SDK1: variants seen among roughly 807,000 people sequenced by gnomAD.
SDK1 encodes the protein sidekick cell adhesion molecule 1.
A neutral mutation model predicts 245.5 loss-of-function variants in SDK1; 157 were observed. The ratio of observed to expected loss-of-function variants is 0.64; its 90% CI spans 0.56 to 0.73. SDK1 has a LOEUF of 0.73. Ranked by LOEUF, SDK1 falls within the 30% of genes least tolerant of loss-of-function variation. The probability of loss-of-function intolerance (pLI) is 0.00; values close to 1 mark genes in which losing one functional copy is unlikely to be tolerated. For missense variants in SDK1, 3,583 were observed against 3,002.3 expected, an observed-to-expected ratio of 1.19 and a Z score of -4.52; for synonymous variants, 1,647 against 1,278.5, an observed-to-expected ratio of 1.29 and a Z score of -6.15.
At chr7:4,153,740 C>T (rs1246028072) in intron 30 of SDK1, among the ~76,000 whole-genome samples, 2 of 152,146 alleles carry the variant, frequency 1.3e-5, no homozygotes, top group Non-Finnish European at 2.9e-5. Context: ...GCAGTAGCTC[C>T]GTCATCGTTC....
chr7:3,902,408 G>A (rs1583535419), intron 5 of SDK1, among the ~76,000 whole-genome samples: 1 of 152,116 alleles, frequency 6.6e-6, no homozygotes, highest in African/African-American at 2.4e-5. Context: ...TTGCTATACC[G>A]ATACTACTGC....
chr7:3,655,293 C>T (rs1562634101), intron 4 of SDK1, among the ~76,000 whole-genome samples: 1 of 150,494 alleles, frequency 6.6e-6, no homozygotes, highest in Non-Finnish European at 1.5e-5. Context: ...ATTAGCCAGA[C>T]GTGGTGGCGG....
At chr7:3,785,264 T>C (rs1780865178) in intron 4 of SDK1, among the ~76,000 whole-genome samples, 1 of 152,092 alleles carries the variant, frequency 6.6e-6, no homozygotes, top group African/African-American at 2.4e-5. Flanking sequence ...ATTTTTTTTT[T>C]AGTTTTGTTG....
At chr7:3,625,680 G>A (rs936972635) in intron 2 of SDK1, among the ~76,000 whole-genome samples, 1 of 152,194 alleles carries the variant, frequency 6.6e-6, no homozygotes, top group Non-Finnish European at 1.5e-5. Context: ...ATCAGCTCCT[G>A]TACTTGGCTG....
chr7:3,541,791 A>T (rs1255639138), intron 1 of SDK1, among the ~76,000 whole-genome samples: 1 of 152,232 alleles, frequency 6.6e-6, no homozygotes, highest in Non-Finnish European at 1.5e-5. Context: ...GACTTAGGCA[A>T]ATAAGGTATT....
intron 40 of SDK1, among the ~76,000 whole-genome samples, chr7:4,231,400 C>CAA (rs61517219): frequency 0.014 from 1,772 of 128,836 alleles, 34 homozygotes; most frequent in South Asian, 0.091. Flanking sequence ...CCTGTCACTA[C>CAA]AAAAAAAAAA....
chr7:3,367,795 T>G lies in SDK1; in HGVS notation c.298+65911T>G, dbSNP rs574872152. On this transcript the variant is annotated intron_variant, in intron 1 of 44. Transcript: ENST00000404826. The stretch of plus-strand genomic sequence containing the variant: ...AGTAGAGCCATGTACCTCCAGGGAA[T>G]TCAGTGTATTGTTTAGATGATGATT... Among the ~76,000 whole-genome samples the G allele has an allele frequency of 3.7e-4, 56 of 152,378 alleles. 1 individual carries two copies. In the South Asian group the frequency reaches 0.011, roughly 30 times the overall value.
intron 4 of SDK1, among the ~76,000 whole-genome samples, chr7:3,785,539 A>C (rs573746406): frequency 5.3e-5 from 8 of 152,354 alleles, no homozygotes; most frequent in Non-Finnish European, 8.8e-5. Flanking sequence ...TGCTTAGGAC[A>C]TGTGAAAACA....
At chr7:3,313,196 C>G (rs1027679191) in intron 1 of SDK1, among the ~76,000 whole-genome samples, 9 of 152,162 alleles carry the variant, frequency 5.9e-5, no homozygotes, top group Admixed American at 3.3e-4. Flanking sequence ...ATCACGAGGT[C>G]AAGAGATCGA....
chr7:3,806,104 C>T (rs1309547250), intron 4 of SDK1, among the ~76,000 whole-genome samples: 5 of 152,224 alleles, frequency 3.3e-5, no homozygotes, highest in Non-Finnish European at 7.3e-5. Flanking sequence ...CCACCATCTT[C>T]AAAGTCAGCA....
intron 5 of SDK1, among the ~76,000 whole-genome samples, chr7:3,832,790 C>T (rs1779942992): frequency 6.6e-6 from 1 of 152,106 alleles, no homozygotes; most frequent in African/African-American, 2.4e-5. Flanking sequence ...ATTCTGCCTG[C>T]ACCCCTTTAC....
intron 4 of SDK1, among the ~76,000 whole-genome samples, chr7:3,739,255 G>C (rs754261902): frequency 9.9e-5 from 15 of 152,120 alleles, no homozygotes; most frequent in African/African-American, 3.4e-4. Flanking sequence ...TTACTTTTAT[G>C]TAGCTGGGTG....
intron 1 of SDK1, among the ~76,000 whole-genome samples, chr7:3,614,466 T>C (rs545953281): frequency 6.6e-6 from 1 of 152,358 alleles, no homozygotes; most frequent in African/African-American, 2.4e-5. Context: ...GTCAGAGTTT[T>C]ATAACTTTAC....
At chr7:4,160,297 T>C (rs1162922299) in intron 31 of SDK1, among the ~76,000 whole-genome samples, 1 of 152,218 alleles carries the variant, frequency 6.6e-6, no homozygotes, top group African/African-American at 2.4e-5. Context: ...TGTCGTAATC[T>C]CTCTGACAGA....
intron 44 of SDK1, among the ~76,000 whole-genome samples, chr7:4,258,863 C>G (rs528506442): frequency 5.3e-5 from 8 of 152,210 alleles, no homozygotes; most frequent in East Asian, 1.9e-4. Flanking sequence ...TTTGTGAAAC[C>G]TAGCACTAAA....
chr7:3,431,629 T>C (rs1779850471), intron 1 of SDK1, among the ~76,000 whole-genome samples: 1 of 152,174 alleles, frequency 6.6e-6, no homozygotes, highest in Non-Finnish European at 1.5e-5. Context: ...GGTAATCTTT[T>C]ATTGTAATCT....
chr7:4,080,426 A>C (rs993480113), intron 22 of SDK1, among the ~76,000 whole-genome samples: 1 of 152,228 alleles, frequency 6.6e-6, no homozygotes, highest in Non-Finnish European at 1.5e-5. Flanking sequence ...AAGTTTCAAA[A>C]TAGTTATTAT....
At chr7:3,557,477 A>G (rs1008499183) in intron 1 of SDK1, among the ~76,000 whole-genome samples, 4 of 152,224 alleles carry the variant, frequency 2.6e-5, no homozygotes, top group African/African-American at 7.2e-5. Flanking sequence ...AGGGGTCCTG[A>G]TGGCAATAGA....
At chr7:3,569,269 G>C (rs1400568473) in intron 1 of SDK1, among the ~76,000 whole-genome samples, 1 of 152,160 alleles carries the variant, frequency 6.6e-6, no homozygotes, top group Admixed American at 6.5e-5. Flanking sequence ...CCAGAAGTAA[G>C]GCAGATAGAC....
Sources: allele counts gnomAD v4.1 joint callset (sites outside exome capture counted in the v4.1 genomes callset), GRCh38; gene constraint gnomAD v4.1.1; transcripts MANE v1.5; gene names NCBI Gene and HGNC (gene_info 2026-07-23, HGNC 2026-07-21).